The following TRPC5 variants were observed in gnomAD, a reference collection of about 807,000 sequenced individuals.
TRPC5 encodes transient receptor potential cation channel subfamily C member 5, also known as short transient receptor potential channel 5.
In TRPC5, 9 loss-of-function variants were observed where a neutral mutation model predicts 56.5. That is an observed-to-expected ratio of 0.16 (90% confidence interval 0.10 to 0.28). The LOEUF (loss-of-function observed/expected upper bound fraction) is 0.28, where lower values mean the gene tolerates loss of function less well. Ranked by LOEUF, TRPC5 falls within the 10% of genes least tolerant of loss-of-function variation. The probability of loss-of-function intolerance (pLI) is 1.00; values close to 1 mark genes in which losing one functional copy is unlikely to be tolerated. For synonymous variants in TRPC5, 282 were observed against 278.5 expected (o/e 1.01, Z -0.13); for missense variants, 469 against 748.9 (o/e 0.63, Z 4.36).
At chrX:111,894,995 A>C (rs755693140) in intron 3 of TRPC5, among the ~76,000 whole-genome samples, 1 of 109,832 alleles carries the variant, frequency 9.1e-6, no homozygotes, top group Non-Finnish European at 1.9e-5. Context: ...GGTTGATTTC[A>C]ACATTCTTGT....
chrX:112,054,958 T>G (rs1930308943), intron 1 of TRPC5, among the ~76,000 whole-genome samples: 1 of 111,362 alleles, frequency 9.0e-6, no homozygotes. Context: ...TTGGAGGAAC[T>G]AAGCCAGTCA....
At chrX:111,936,335 C>CT (rs927955278) in intron 2 of TRPC5, among the ~76,000 whole-genome samples, 11 of 105,812 alleles carry the variant, frequency 1.0e-4, no homozygotes, top group South Asian at 4.1e-4. Context: ...TTTATCAGTT[C>CT]TTTTTTTTTT....
intron 2 of TRPC5, among the ~76,000 whole-genome samples, chrX:111,936,467 T>C (rs1179548962): frequency 1.8e-5 from 2 of 110,074 alleles, no homozygotes; most frequent in Admixed American, 1.9e-4. Flanking sequence ...TAGCATTAGG[T>C]GTATCTCCTA....
chrX:111,829,399 C>T (rs1368679635), intron 7 of TRPC5, among the ~76,000 whole-genome samples: 2 of 109,914 alleles, frequency 1.8e-5, no homozygotes, highest in Non-Finnish European at 3.8e-5. Flanking sequence ...TTCAAGCCAG[C>T]TGGATAAATT....
chrX:112,050,355 G>A (rs769867431), intron 1 of TRPC5, among the ~76,000 whole-genome samples: 1 of 112,635 alleles, frequency 8.9e-6, no homozygotes, highest in Admixed American at 9.4e-5. Context: ...CTCTCACATG[G>A]TATGACATGA....
At chrX:111,872,955 C>A (rs1315226872) in intron 3 of TRPC5, among the ~76,000 whole-genome samples, 1 of 112,251 alleles carries the variant, frequency 8.9e-6, no homozygotes, top group Non-Finnish European at 1.9e-5. Flanking sequence ...TTGGAGATTT[C>A]TTAAAGAACA....
chrX:111,859,944 T>C (rs1923347019), intron 3 of TRPC5, among the ~76,000 whole-genome samples: 1 of 113,337 alleles, frequency 8.8e-6, no homozygotes, highest in Non-Finnish European at 1.9e-5. Context: ...AGTCTCGCTC[T>C]GTCGCCCAGG....
chrX:112,031,754 A>G (rs753913650), intron 1 of TRPC5, among the ~76,000 whole-genome samples: 1 of 109,560 alleles, frequency 9.1e-6, no homozygotes, highest in Non-Finnish European at 1.9e-5. Context: ...GAATGAAATC[A>G]TACAATATGT....
At chrX:112,063,804 T>A (rs1048995780) in intron 1 of TRPC5, among the ~76,000 whole-genome samples, 2 of 112,365 alleles carry the variant, frequency 1.8e-5, no homozygotes, top group Non-Finnish European at 3.8e-5. Flanking sequence ...GTTTTTGGTT[T>A]TTTTTGAGAC....
rs371096239 is a variant in TRPC5 at position 111,800,702 on chromosome X, C to T, written c.1897-18564G>A. Among the ~76,000 whole-genome samples, 189 of 108,799 alleles carry T rather than the reference C, an allele frequency of 1.7e-3. 2 individuals carry two copies. Among genetic ancestry groups the T allele is most frequent in the African/African-American group, 2.6e-3 (77 of 29,876 alleles). The allele number at this position is 108,799 out of a possible 115,157, so 94.5% of individuals were successfully genotyped here. A position where few individuals can be genotyped will look rare whatever the true frequency, so the allele number is the denominator to read the frequency against. ...ACGGGAGGTGGAGGTTGCAGTGAGC[C>T]GAGATCATGCCACTGCACTCTAGCC... On this transcript the variant is annotated intron_variant, in intron 7 of 10. Transcript: ENST00000262839.
At chrX:112,041,265 T>G (rs1033647441) in intron 1 of TRPC5, among the ~76,000 whole-genome samples, 3 of 111,974 alleles carry the variant, frequency 2.7e-5, no homozygotes, top group Non-Finnish European at 5.6e-5. Flanking sequence ...AGAGCATAAG[T>G]GATGTCTTTT....
chrX:111,907,840 T>C (rs1470157826), intron 3 of TRPC5, among the ~76,000 whole-genome samples: 2 of 110,724 alleles, frequency 1.8e-5, no homozygotes, highest in Non-Finnish European at 3.8e-5. Flanking sequence ...CCCTAAGCAC[T>C]GTGTGAGTGT....
intron 7 of TRPC5, among the ~76,000 whole-genome samples, chrX:111,782,439 A>G (rs748311843): frequency 9.0e-6 from 1 of 111,706 alleles, no homozygotes; most frequent in East Asian, 2.8e-4. Context: ...TTACATCTAC[A>G]AAATGGTATA....
chrX:111,940,689 T>TAA (rs781266805), intron 2 of TRPC5, among the ~76,000 whole-genome samples: 6 of 70,312 alleles, frequency 8.5e-5, no homozygotes, highest in Non-Finnish European at 1.4e-4. Context: ...GGACTACGTC[T>TAA]AAAAAAAAAA....
intron 1 of TRPC5, among the ~76,000 whole-genome samples, chrX:112,030,940 A>T (rs1929571748): frequency 9.0e-6 from 1 of 111,403 alleles, no homozygotes; most frequent in African/African-American, 3.3e-5. Context: ...CTGCAGGGTT[A>T]TACATCTACA....
At chrX:111,778,194 T>G (rs1424836198) in intron 10 of TRPC5, among the ~76,000 whole-genome samples, 4 of 111,389 alleles carry the variant, frequency 3.6e-5, no homozygotes, top group Admixed American at 9.6e-5. Context: ...ATACCTAATG[T>G]AGATGATGGG....
intron 6 of TRPC5, 46 bp from the exon 7 acceptor site, chrX:111,835,162 A>G: frequency 9.5e-7 from 1 of 1,049,969 alleles, no homozygotes; most frequent in Non-Finnish European, 1.3e-6. Flanking sequence ...TAAGAAGAGC[A>G]AGAAAAGAGA....
chrX:111,837,185 A>G (rs1484439532), intron 6 of TRPC5, among the ~76,000 whole-genome samples: 6 of 112,144 alleles, frequency 5.4e-5, no homozygotes, highest in Non-Finnish European at 1.1e-4. Context: ...ACAATATGGC[A>G]AGTCAGACCT....
chrX:111,835,869 A>C lies in TRPC5; in HGVS notation c.1701-753T>G, dbSNP rs2239004. 6.2e-5 allele frequency among the ~76,000 whole-genome samples: 7 copies of C among 112,341 alleles called. No homozygotes were observed. In the East Asian group the frequency reaches 1.9e-3, roughly 31 times the overall value. ...TTGAGGATTCTCAAATTAACACTTT[A>C]TACAGATAATTGTTAATGATATATT... On this transcript the variant is annotated intron_variant, in intron 6 of 10. Transcript: ENST00000262839.
Sources: allele counts gnomAD v4.1 joint callset (sites outside exome capture counted in the v4.1 genomes callset), GRCh38; gene constraint gnomAD v4.1.1; transcripts MANE v1.5; gene names NCBI Gene and HGNC (gene_info 2026-07-23, HGNC 2026-07-21).